Variants in RTKN2 observed in about 807,000 individuals in gnomAD.
RTKN2 encodes the protein rhotekin-2.
Under a neutral mutation model 71.5 loss-of-function variants are expected in RTKN2, and 69 were observed. The observed-to-expected ratio is 0.96, with a 90% CI of 0.79 to 1.18. The LOEUF (loss-of-function observed/expected upper bound fraction) is 1.18. Ranked by LOEUF, RTKN2 falls within the 50% of genes most tolerant of loss-of-function variation. The probability of loss-of-function intolerance (pLI) is 0.00; values close to 1 mark genes in which losing one functional copy is unlikely to be tolerated. For missense variants in RTKN2, 724 were observed against 719.7 expected (o/e 1.01, Z -0.07); for synonymous variants, 236 against 236.5 (o/e 1.00, Z 0.02).
chr10:62,218,347 G>T (rs547502325), intron 7 of RTKN2, 46 bp from the exon 8 acceptor site: 2 of 1,224,954 alleles, frequency 1.6e-6, no homozygotes, highest in Non-Finnish European at 1.2e-6. Context: ...ATAAATATAA[G>T]TTTATTTAAG....
intron 5 of RTKN2, chr10:62,238,767 A>G (rs4979781): frequency 0.89 from 135,534 of 151,778 alleles, 60,617 homozygotes; most frequent in East Asian, 0.99. Context: ...AATATGGTTT[A>G]CTATAGGTTT....
rs1472349884 is a variant in RTKN2 at position 62,268,674 on chromosome 10, C to G, written c.-64G>C. 38 of 1,504,328 alleles carry G rather than the reference C, an allele frequency of 2.5e-5. No individual in the cohort carries two copies. Among genetic ancestry groups the G allele is most frequent in the Non-Finnish European group, 2.5e-5 (28 of 1,111,196 alleles). The allele number at this position is 1,504,328 out of a possible 1,614,324, so 93.2% of individuals were successfully genotyped here. ...AAGGGAAGATTTGAAAAGCCCGCCC[C>G]TGGCAGGAGCCGCAGAGGACGCCAA... is the stretch of plus-strand genomic sequence containing the variant. On this transcript the variant is annotated 5_prime_UTR_variant, in exon 1 of 12. Coordinates refer to ENST00000373789, the MANE Select transcript of RTKN2 (RefSeq NM_145307.4).
At position 62,195,312 on chromosome 10, in the gene RTKN2, G is replaced by C. The variant is rs376700828; in HGVS notation, c.*2596C>G. Reference sequence around the variant, plus strand: ...CAAATTAAAAGGACAAACAAGGAATGTGAAAGCTCATAAAAAGCTGAAGCA... The same window carrying C: ...CAAATTAAAAGGACAAACAAGGAATCTGAAAGCTCATAAAAAGCTGAAGCA... On this transcript the variant is annotated 3_prime_UTR_variant, in exon 12 of 12. Transcript: ENST00000373789. The C allele has an allele frequency of 5.1e-6, 5 of 985,148 alleles. No individual in the cohort carries two copies. In the East Asian group the frequency reaches 5.7e-4, roughly 112 times the overall value. 61.0% of individuals were successfully genotyped at this position (985,148 alleles called of 1,614,324 possible). A position where few individuals can be genotyped will look rare whatever the true frequency, so the allele number is the denominator to read the frequency against.
At chr10:62,207,226 T>C (rs1250726977) in intron 9 of RTKN2, among the ~76,000 whole-genome samples, 1 of 152,084 alleles carries the variant, frequency 6.6e-6, no homozygotes, top group Non-Finnish European at 1.5e-5. Flanking sequence ...GAAAATCTGA[T>C]GAACTCAATC....
At chr10:62,229,714 G>C (rs916669746) in intron 6 of RTKN2, among the ~76,000 whole-genome samples, 1 of 152,174 alleles carries the variant, frequency 6.6e-6, no homozygotes, top group African/African-American at 2.4e-5. Context: ...GGCATGTTTA[G>C]AAGGCAATTT....
chr10:62,249,024 T>G (rs911731959), intron 2 of RTKN2, among the ~76,000 whole-genome samples: 2 of 152,212 alleles, frequency 1.3e-5, no homozygotes, highest in African/African-American at 4.8e-5. Flanking sequence ...CCTAAAACTA[T>G]GCTATAAAAT....
rs902827491 is a variant in RTKN2, at chr10:62,186,169, G to A, written c.862-1782C>T. On this transcript the variant is annotated intron_variant, in intron 8 of 8. Transcript: ENST00000315289. Reference sequence around the variant, plus strand: ...GTTTGCTCCATGCCTTGGCTCCCCTGCCCTGGAGCTCTCAGTCTTGCATAT... The same window carrying A: ...GTTTGCTCCATGCCTTGGCTCCCCTACCCTGGAGCTCTCAGTCTTGCATAT... Among the ~76,000 whole-genome samples, 8 of 152,068 alleles carry A rather than the reference G, an allele frequency of 5.3e-5. 1 individual carries two copies. The highest frequency in any genetic ancestry group is 5.2e-4 in the Admixed American group (8 of 15,282).
At chr10:62,235,267 G>T (rs1842231913) in intron 6 of RTKN2, among the ~76,000 whole-genome samples, 1 of 152,056 alleles carries the variant, frequency 6.6e-6, no homozygotes, top group African/African-American at 2.4e-5. Flanking sequence ...TATGAATACA[G>T]ACTGGATATT....
Position 62,239,712 on chromosome 10 carries a change from C to A in RTKN2, c.424G>T (p.Asp142Tyr), listed in dbSNP as rs772602844. The A allele has an allele frequency of 1.5e-5, 24 of 1,592,738 alleles. No individual in the cohort carries two copies. Among genetic ancestry groups the A allele is most frequent in the African/African-American group, 2.7e-5 (2 of 74,250 alleles). ...CLFKMGANVF[D>Y]TDVVNVDKTI... The stretch of plus-strand genomic sequence containing the variant: ...TTATCCACATTCACCACATCAGTAT[C>A]AAACACATTAGCTCCCATTTTGAAT... The change falls in exon 5 of 12, where the codon GAT becomes TAT. Residue 142 changes from aspartate (D) to tyrosine (Y), a missense_variant. Physicochemically the swap from Asp to Tyr is radical, Grantham distance 160. Coordinates refer to ENST00000373789, the MANE Select transcript of RTKN2 (RefSeq NM_145307.4).
intron 2 of RTKN2, among the ~76,000 whole-genome samples, chr10:62,254,346 T>C (rs1465840329): frequency 1.3e-5 from 2 of 152,182 alleles, no homozygotes; most frequent in Admixed American, 1.3e-4. Context: ...CGTCGCCATG[T>C]GAAGGAAATG....
chr10:62,257,611 G>C (rs1842698789), intron 2 of RTKN2, among the ~76,000 whole-genome samples: 1 of 152,164 alleles, frequency 6.6e-6, no homozygotes. Flanking sequence ...AATTTGTAAA[G>C]CAGAAATTGA....
chr10:62,246,023 A>G lies in RTKN2; in HGVS notation c.292T>C (p.Cys98Arg), dbSNP rs749456281. ...VKFESKERTA[C>R]KGKIAISDIR... ...CCTGATATGGCAATCTTTCCTTTAC[A>G]TGCTGTTCGTTCTTTACTTTCAAAT... The change falls in exon 3 of 12, where the codon TGT becomes CGT. Residue 98 changes from cysteine (C) to arginine (R), a missense_variant. Transcript: ENST00000373789. 5.0e-6 allele frequency: 8 copies of G among 1,596,478 alleles called. No individual in the cohort carries two copies. The highest frequency in any genetic ancestry group is 1.7e-4 in the Middle Eastern group (1 of 5,994).
At chr10:62,234,536 T>C (rs1842217258) in intron 6 of RTKN2, among the ~76,000 whole-genome samples, 1 of 150,572 alleles carries the variant, frequency 6.6e-6, no homozygotes, top group South Asian at 2.1e-4. Flanking sequence ...AAAAGAAAAT[T>C]CAAGAGTTCA....
At chr10:62,239,005 A>T (rs192509865) in intron 5 of RTKN2, 3 of 152,176 alleles carry the variant, frequency 2.0e-5, no homozygotes, top group African/African-American at 7.2e-5. Context: ...TTAGTTAAAA[A>T]TGATTTCTAT....
At chr10:62,212,041 GTTTA>G (rs1231078260) in intron 9 of RTKN2, among the ~76,000 whole-genome samples, 1 of 151,926 alleles carries the variant, frequency 6.6e-6, no homozygotes, top group African/African-American at 2.4e-5. Context: ...TTTATCCTTT[GTTTA>G]TTTAAGAATA....
chr10:62,205,879 G>A (rs1036241936), intron 9 of RTKN2, among the ~76,000 whole-genome samples: 14 of 152,056 alleles, frequency 9.2e-5, no homozygotes, highest in Admixed American at 7.9e-4. Flanking sequence ...GTCTGTACTA[G>A]AACTATCTAT....
intron 2 of RTKN2, among the ~76,000 whole-genome samples, chr10:62,261,135 T>G (rs1842764930): frequency 6.6e-6 from 1 of 152,210 alleles, no homozygotes; most frequent in Non-Finnish European, 1.5e-5. Flanking sequence ...AACCAATGTA[T>G]GCCTATCTGA....
At chr10:62,199,702 G>A (rs1841399790) in intron 11 of RTKN2, 52 bp downstream of exon 11, 2 of 1,087,608 alleles carry the variant, frequency 1.8e-6, no homozygotes, top group Admixed American at 1.8e-5. Flanking sequence ...CTTCAGTATG[G>A]ACAATGTTGT....
At position 62,198,377 on chromosome 10, in the gene RTKN2, T is replaced by C; in HGVS notation, c.1361A>G (p.Asn454Ser). Residue 454 changes from asparagine to serine, a missense_variant, in exon 12 of 12, where the codon AAT becomes AGT. Asn to Ser is a conservative substitution (Grantham distance 46). Transcript: ENST00000373789. Reference sequence around the variant, plus strand: ...ATGCTGACCAATAAGGAACTGCCCATTTGTCTCTTCAATTTTTTTTTGTAT... The same window carrying C: ...ATGCTGACCAATAAGGAACTGCCCACTTGTCTCTTCAATTTTTTTTTGTAT... ...DIIQKKIEET[N>S]GQFLIGQHEE... 1 of 1,600,564 alleles carries C rather than the reference T, an allele frequency of 6.2e-7. No individual in the cohort carries two copies.
Sources: gnomAD v4.1 joint callset for allele counts (sites outside exome capture counted in the v4.1 genomes callset) on GRCh38, gnomAD v4.1.1 for gene constraint, MANE v1.5 for transcripts, NCBI Gene and HGNC (gene_info 2026-07-23, HGNC 2026-07-21) for gene names.